The following ERO1B variants were observed in gnomAD, a reference collection of about 807,000 sequenced individuals.
ERO1B encodes the protein endoplasmic reticulum oxidoreductase 1 beta, also known as ERO1-like protein beta.
In ERO1B, 49 loss-of-function variants were observed where a neutral mutation model predicts 75.3. The observed-to-expected ratio is 0.65, with a 90% CI of 0.52 to 0.83. The LOEUF (loss-of-function observed/expected upper bound fraction) is 0.83, where lower values mean the gene tolerates loss of function less well. Ranked by LOEUF, ERO1B falls within the 40% of genes least tolerant of loss-of-function variation. ERO1B has a pLI of 0.00. For synonymous variants in ERO1B, 191 were observed against 192.9 expected (o/e 0.99, Z 0.08); for missense variants, 512 against 560.1 (o/e 0.91, Z 0.87).
Position 236,218,461 on chromosome 1 carries a change from TA to T in ERO1B, c.*54del. On this transcript the variant is annotated 3_prime_UTR_variant, in exon 16 of 16. Transcript: ENST00000354619. ...TGTCTTTCTGATGAATGTCCATAAT[TA>T]AAAGGCTTTCCACAGTCACTTTATG... The T allele has an allele frequency of 3.7e-6, 5 of 1,365,486 alleles. No homozygotes were observed. Among genetic ancestry groups the T allele is most frequent in the South Asian group, 3.6e-5 (2 of 55,368 alleles). The allele number at this position is 1,365,486 out of a possible 1,614,324, so 84.6% of individuals were successfully genotyped here. A position where few individuals can be genotyped will look rare whatever the true frequency, so the allele number is the denominator to read the frequency against.
chr1:236,247,186 T>C (rs1664904476), intron 5 of ERO1B, among the ~76,000 whole-genome samples: 1 of 152,196 alleles, frequency 6.6e-6, no homozygotes, highest in South Asian at 2.1e-4. Flanking sequence ...ATTCATTGAC[T>C]GACATCCAGA....
chr1:236,237,952 G>A (rs1307095461), intron 6 of ERO1B, among the ~76,000 whole-genome samples: 1 of 152,112 alleles, frequency 6.6e-6, no homozygotes, highest in Non-Finnish European at 1.5e-5. Flanking sequence ...CAATTATCCT[G>A]TCTCAGCCTC....
rs1370783759 is a variant in ERO1B, at chr1:236,216,057, A to G, written c.*2459T>C. ...TAATCTAAGAATCAAAACAGGAGAA[A>G]CATTCAAAGTTTACCAATTTTAATA... is the stretch of plus-strand genomic sequence containing the variant. On this transcript the variant is annotated 3_prime_UTR_variant, in exon 16 of 16. Transcript: ENST00000354619. The G allele has an allele frequency of 1.3e-5, 2 of 152,206 alleles. No homozygotes were observed. Among genetic ancestry groups the G allele is most frequent in the African/African-American group, 4.8e-5 (2 of 41,462 alleles). 9.4% of individuals were successfully genotyped at this position (152,206 alleles called of 1,614,324 possible).
At chr1:236,239,724 C>T (rs1203526195) in intron 6 of ERO1B, among the ~76,000 whole-genome samples, 1 of 150,600 alleles carries the variant, frequency 6.6e-6, no homozygotes, top group Admixed American at 6.7e-5. Context: ...CTCTACAAAG[C>T]AGCTTCATAA....
chr1:236,243,066 T>A (rs756991337), intron 6 of ERO1B, among the ~76,000 whole-genome samples: 1 of 152,238 alleles, frequency 6.6e-6, no homozygotes, highest in Non-Finnish European at 1.5e-5. Context: ...GCAGATGGTA[T>A]ATCATAATGG....
At chr1:236,261,984 C>T (rs1665303876) in intron 2 of ERO1B, among the ~76,000 whole-genome samples, 1 of 151,844 alleles carries the variant, frequency 6.6e-6, no homozygotes, top group Non-Finnish European at 1.5e-5. Context: ...AAGAACAATC[C>T]TAAAATTTGT....
intron 2 of ERO1B, among the ~76,000 whole-genome samples, chr1:236,254,726 C>T (rs1391511821): frequency 1.3e-5 from 2 of 151,468 alleles, no homozygotes; most frequent in African/African-American, 2.4e-5. Context: ...GATTCTCCTG[C>T]CTCAGCCCCC....
chr1:236,264,918 G>A (rs191018442), intron 2 of ERO1B, among the ~76,000 whole-genome samples: 60 of 152,176 alleles, frequency 3.9e-4, no homozygotes, highest in African/African-American at 1.3e-3. Flanking sequence ...CTATCCGGGC[G>A]ATGGTTCCAT....
intron 5 of ERO1B, among the ~76,000 whole-genome samples, chr1:236,247,856 T>A (rs1664922672): frequency 6.6e-6 from 1 of 152,108 alleles, no homozygotes; most frequent in Non-Finnish European, 1.5e-5. Context: ...CCTGGAATGC[T>A]CATCCCCCAG....
intron 1 of ERO1B, among the ~76,000 whole-genome samples, chr1:236,271,665 A>C (rs1665592118): frequency 6.7e-6 from 1 of 148,208 alleles, no homozygotes; most frequent in Admixed American, 6.7e-5. Flanking sequence ...ATTGTTTTTT[A>C]TATATAATAT....
intron 6 of ERO1B, among the ~76,000 whole-genome samples, chr1:236,242,017 G>C (rs10924839): frequency 0.068 from 10,262 of 149,816 alleles, 710 homozygotes; most frequent in East Asian, 0.39. Flanking sequence ...GCAGTGAGCC[G>C]AGATTGTGCC....
intron 9 of ERO1B, among the ~76,000 whole-genome samples, chr1:236,231,212 A>G (rs1664400505): frequency 6.6e-6 from 1 of 152,202 alleles, no homozygotes; most frequent in South Asian, 2.1e-4. Flanking sequence ...ATTCTTCAGG[A>G]AAGTTAATAG....
chr1:236,268,608 C>T lies in ERO1B; in HGVS notation c.222+1267G>A, dbSNP rs112829564. ...TCTCTAAAAAAAGCAAAAACAAGGC[C>T]GGGCGCGGTGGCTCACGCCTGTAAT... On this transcript the variant is annotated intron_variant, in intron 2 of 15. Transcript: ENST00000354619. Among the ~76,000 whole-genome samples the T allele has an allele frequency of 3.4e-3, 519 of 152,226 alleles. 2 individuals carry two copies. Among genetic ancestry groups the T allele is most frequent in the African/African-American group, 0.012 (485 of 41,518 alleles).
chr1:236,241,735 T>C (rs1441500080), intron 6 of ERO1B, among the ~76,000 whole-genome samples: 2 of 151,988 alleles, frequency 1.3e-5, no homozygotes, highest in African/African-American at 4.8e-5. Flanking sequence ...TTAAAAAATA[T>C]TTCTTACTTT....
chr1:236,249,624 C>A (rs11586633), intron 5 of ERO1B, among the ~76,000 whole-genome samples: 22 of 152,092 alleles, frequency 1.4e-4, no homozygotes, highest in African/African-American at 5.1e-4. Context: ...GATCCATAAA[C>A]CCTGTTAGCT....
chr1:236,238,523 C>CTTT (rs754277540), intron 6 of ERO1B, among the ~76,000 whole-genome samples: 4 of 108,214 alleles, frequency 3.7e-5, no homozygotes, highest in African/African-American at 9.2e-5. Context: ...GGGCAACAGC[C>CTTT]TTTTTTTTTT....
chr1:236,239,851 GTATATATGTA>G (rs1664646601), intron 6 of ERO1B, among the ~76,000 whole-genome samples: 10 of 61,040 alleles, frequency 1.6e-4, no homozygotes, highest in Middle Eastern at 7.5e-3. Flanking sequence ...ATATATATGT[GTATATATGTA>G]TATATATATG....
chr1:236,270,605 G>A (rs1386587102), intron 1 of ERO1B, among the ~76,000 whole-genome samples: 1 of 152,058 alleles, frequency 6.6e-6, no homozygotes, highest in Admixed American at 6.6e-5. Context: ...GCTAATCCAA[G>A]AAGAGAAATT....
At chr1:236,231,626 T>C (rs941238) in intron 9 of ERO1B, among the ~76,000 whole-genome samples, 76,233 of 151,658 alleles carry the variant, frequency 0.5, 20,908 homozygotes, top group Middle Eastern at 0.65. Context: ...TACCTATCCT[T>C]GATGTTGTTT....
Sources: gnomAD v4.1 joint callset for allele counts (sites outside exome capture counted in the v4.1 genomes callset) on GRCh38, gnomAD v4.1.1 for gene constraint, MANE v1.5 for transcripts, NCBI Gene and HGNC (gene_info 2026-07-23, HGNC 2026-07-21) for gene names.